Variants in ADCY3 observed in about 807,000 individuals in gnomAD.
The protein encoded by ADCY3 is adenylate cyclase type 3.
Under a neutral mutation model 119.4 loss-of-function variants are expected in ADCY3, and 70 were observed. The ratio of observed to expected loss-of-function variants is 0.59; its 90% CI spans 0.48 to 0.72. ADCY3 has a LOEUF of 0.72. Among genes scored for constraint, ADCY3 ranks in the 30% least tolerant of loss-of-function variants. ADCY3 has a pLI of 0.00. For missense variants in ADCY3, 1,238 were observed against 1,541.6 expected (o/e 0.80, Z 3.30); for synonymous variants, 672 against 621.4 (o/e 1.08, Z -1.21).
chr2:24,918,900 G>T lies in ADCY3; in HGVS notation c.88C>A (p.Arg30Ser), dbSNP rs200250709. ...ATTTCATGGGTCCGGCCCACCCCGC[G>T]GTCAGGGTCGGAGGGCAGGCTGACG... ...YSVSLPSDPD[R>S]GVGRTHEISV... The change falls in exon 2 of 22, where the codon CGC (arginine) becomes AGC (serine). Residue 30 changes from arginine to serine, a missense_variant. By Grantham distance (110) the Arg-to-Ser change is moderately radical (BLOSUM62 -1). Around this residue, in one of 7 missense-constraint regions of ADCY3, gnomAD observed 227 missense variants for 249.3 expected, o/e 0.91. Coordinates refer to ENST00000679454, the MANE Select transcript of ADCY3 (RefSeq NM_004036.5). This position sits in a 1 kb window ranked among gnomAD's most constrained non-coding sequence, Gnocchi z 5.4. 3 of 1,612,844 alleles carry T rather than the reference G, an allele frequency of 1.9e-6. No homozygotes were observed. Among genetic ancestry groups the T allele is most frequent in the Admixed American group, 1.7e-5 (1 of 60,006 alleles).
chr2:24,897,772 A>G (rs1678448885), intron 2 of ADCY3, among the ~76,000 whole-genome samples: 2 of 152,330 alleles, frequency 1.3e-5, no homozygotes, highest in Admixed American at 6.5e-5. Flanking sequence ...GCTGAGCACC[A>G]GCAGGCCCTC....
intron 3 of ADCY3, among the ~76,000 whole-genome samples, chr2:24,856,053 G>A (rs1324688471): frequency 1.3e-5 from 2 of 152,220 alleles, no homozygotes; most frequent in African/African-American, 2.4e-5. Context: ...GAGGCCAGGA[G>A]GGATTTGGAT....
At chr2:24,840,113 C>G (rs574525824) in intron 6 of ADCY3, 82 bp from the exon 7 acceptor site, 1 of 1,521,064 alleles carries the variant, frequency 6.6e-7, no homozygotes, top group Non-Finnish European at 8.9e-7. Context: ...AGGAGAAATT[C>G]ATTGTGGGCC....
At chr2:24,868,947 C>G (rs1674642326) in intron 3 of ADCY3, among the ~76,000 whole-genome samples, 6 of 151,076 alleles carry the variant, frequency 4.0e-5, no homozygotes, top group Admixed American at 3.3e-4. Context: ...TGGCGTGAAC[C>G]CGGGAGGCAG....
intron 2 of ADCY3, among the ~76,000 whole-genome samples, chr2:24,877,111 C>T (rs1675805038): frequency 6.6e-6 from 1 of 152,242 alleles, no homozygotes; most frequent in African/African-American, 2.4e-5. Context: ...AGCCCCTCCT[C>T]CTCCCCCATG....
At chr2:24,886,325 C>T (rs1223502913) in intron 2 of ADCY3, among the ~76,000 whole-genome samples, 1 of 152,198 alleles carries the variant, frequency 6.6e-6, no homozygotes, top group Non-Finnish European at 1.5e-5. Context: ...GTGGGAAGCA[C>T]GCACTTAGAA....
At chr2:24,893,563 AGTTG>A in intron 2 of ADCY3, among the ~76,000 whole-genome samples, 1 of 151,504 alleles carries the variant, frequency 6.6e-6, no homozygotes, top group Admixed American at 6.6e-5. Flanking sequence ...GATAGTTGAT[AGTTG>A]GTTCTTGCTT....
chr2:24,892,259 T>A (rs12052322), intron 2 of ADCY3, among the ~76,000 whole-genome samples: 1 of 151,836 alleles, frequency 6.6e-6, no homozygotes, highest in African/African-American at 2.4e-5. Flanking sequence ...GAGTCTTTTT[T>A]TTTTTTTGAG....
intron 3 of ADCY3, among the ~76,000 whole-genome samples, chr2:24,855,708 C>T (rs895739585): frequency 6.6e-6 from 1 of 152,198 alleles, no homozygotes. Flanking sequence ...AAAGCAAGAA[C>T]CTGCCCAGAT....
At chr2:24,838,359 G>C in intron 8 of ADCY3, 86 bp downstream of exon 8, 1 of 1,346,006 alleles carries the variant, frequency 7.4e-7, no homozygotes, top group African/African-American at 1.6e-5. Context: ...CACCTCTTCT[G>C]CAATCTTTCC....
At chr2:24,908,886 C>T (rs537963966) in intron 2 of ADCY3, among the ~76,000 whole-genome samples, 1 of 141,720 alleles carries the variant, frequency 7.1e-6, no homozygotes, top group South Asian at 2.1e-4. Flanking sequence ...ATGTCCCATG[C>T]TGAGGGCCCC....
rs374741957 is a variant in ADCY3 at position 24,918,785 on chromosome 2, G to C, written c.203C>G (p.Thr68Ser). The C allele has an allele frequency of 5.6e-6, 9 of 1,614,014 alleles. No individual in the cohort carries two copies. The highest frequency in any genetic ancestry group is 7.6e-6 in the Non-Finnish European group (9 of 1,180,036). The change falls in exon 2 of 22, where the codon ACC becomes AGC. Residue 68 changes from threonine (T) to serine (S), a missense_variant. Thr to Ser is a moderately conservative substitution (Grantham distance 58). This residue lies in a region of ADCY3 where 227 missense variants were observed against 249.3 expected (regional missense o/e 0.91). Coordinates refer to ENST00000679454, the MANE Select transcript of ADCY3 (RefSeq NM_004036.5). The surrounding 1 kb of genome is among the most constrained non-coding windows in gnomAD (Gnocchi z 5.4). ...VPESLENLYQ[T>S]YFKRQRHETL... ...CTCGTGGCGCTGCCTTTTGAAGTAG[G>C]TCTGGTAGAGGTTCTCCAAGGACTC...
intron 16 of ADCY3, chr2:24,825,558 A>ACT (rs3037273): frequency 0.13 from 20,948 of 157,992 alleles, 1,469 homozygotes; most frequent in East Asian, 0.21. Flanking sequence ...CTGGTCTCAG[A>ACT]CTCCTGGACT....
Position 24,820,723 on chromosome 2 carries a change from C to T in ADCY3, c.3252+1G>A. 1 of 1,614,034 alleles carries T rather than the reference C, an allele frequency of 6.2e-7. No individual in the cohort carries two copies. The highest frequency in any genetic ancestry group is 8.5e-7 in the Non-Finnish European group (1 of 1,179,940). ...CGTGCCAGCTGTGCCACTGGACATA[C>T]CTGAATGTTGCCCATGACCCCCGTG... On this transcript the variant is annotated splice_donor_variant, in intron 21 of 21. Coordinates refer to ENST00000679454, the MANE Select transcript of ADCY3 (RefSeq NM_004036.5). LOFTEE classifies it high-confidence loss of function.
At chr2:24,830,677 G>A (rs775120684) in intron 13 of ADCY3, 32 bp downstream of exon 13, 6 of 1,554,440 alleles carry the variant, frequency 3.9e-6, no homozygotes, top group Non-Finnish European at 4.4e-6. Flanking sequence ...GAGAACAGGG[G>A]CGTCCCTTCA....
intron 3 of ADCY3, among the ~76,000 whole-genome samples, chr2:24,844,489 G>A (rs987687854): frequency 6.6e-6 from 1 of 152,124 alleles, no homozygotes; most frequent in African/African-American, 2.4e-5. Flanking sequence ...TGAGTTCAGG[G>A]GTCCCTGAGG....
At chr2:24,913,562 C>G (rs867118928) in intron 2 of ADCY3, among the ~76,000 whole-genome samples, 2 of 152,200 alleles carry the variant, frequency 1.3e-5, no homozygotes, top group South Asian at 4.1e-4. Flanking sequence ...CTCCTCTCAA[C>G]CTCACTGAGC....
intron 12 of ADCY3, 136 bp from the exon 13 acceptor site, chr2:24,830,961 A>T: frequency 1.5e-6 from 1 of 672,500 alleles, no homozygotes. Flanking sequence ...GAGTCACCTG[A>T]CAGCTGACCA....
intron 3 of ADCY3, among the ~76,000 whole-genome samples, chr2:24,864,187 C>T (rs1373121731): frequency 7.9e-5 from 12 of 151,982 alleles, no homozygotes; most frequent in South Asian, 4.1e-4. Context: ...CTACTCGGGA[C>T]GCTGAAGCAG....
Sources: allele counts gnomAD v4.1 joint callset (sites outside exome capture counted in the v4.1 genomes callset), GRCh38; gene constraint gnomAD v4.1.1; regional missense constraint gnomAD v4.1.1; non-coding constraint Gnocchi (gnomAD v3.1); transcripts MANE v1.5; gene names NCBI Gene and HGNC (gene_info 2026-07-23, HGNC 2026-07-21).